Variants in OR6Y1 observed in about 807,000 individuals in gnomAD.
The protein encoded by OR6Y1 is olfactory receptor family 6 subfamily Y member 1.
A neutral mutation model predicts 0.4 loss-of-function variants in OR6Y1; 1 was observed. That is an observed-to-expected ratio of 2.74 (90% confidence interval 0.97 to 13.02). The LOEUF is 13.02. OR6Y1 is among the 30% of genes most tolerant of loss of function. OR6Y1 has a pLI of 0.12. For synonymous variants in OR6Y1, 173 were observed against 141.1 expected, an observed-to-expected ratio of 1.23 and a Z score of -1.60; for missense variants, 480 against 399.8, an observed-to-expected ratio of 1.20 and a Z score of -1.71.
At position 158,547,035 on chromosome 1, in the gene OR6Y1, C is replaced by T; in HGVS notation, c.*93G>A. ...CACAGAGGAGAGCAGTGTTACAGTA[C>T]TGGAGATTGGGGGATAACCAAAGAC... On this transcript the variant is annotated 3_prime_UTR_variant, in exon 2 of 2. Coordinates refer to ENST00000641622, the MANE Select transcript of OR6Y1 (RefSeq NM_001005189.2). 1 of 1,227,504 alleles carries T rather than the reference C, an allele frequency of 8.1e-7. No individual in the cohort carries two copies. The highest frequency in any genetic ancestry group is 2.3e-5 in the East Asian group (1 of 43,004). 76.0% of individuals were successfully genotyped at this position (1,227,504 alleles called of 1,614,324 possible). A position where few individuals can be genotyped will look rare whatever the true frequency, so the allele number is the denominator to read the frequency against.
In OR6Y1 at chr1:158,547,897, T is replaced by G; in HGVS notation, c.209A>C (p.His70Pro). 1 of 1,613,006 alleles carries G rather than the reference T, an allele frequency of 6.2e-7. No homozygotes were observed. The highest frequency in any genetic ancestry group is 8.5e-7 in the Non-Finnish European group (1 of 1,179,904). The change falls in exon 2 of 2, where the codon CAC becomes CCC. Residue 70 changes from histidine to proline, a missense_variant. Physicochemically the swap from His to Pro is moderately conservative, Grantham distance 77 (BLOSUM62 -2). Coordinates refer to ENST00000641622, the MANE Select transcript of OR6Y1 (RefSeq NM_001005189.2). ...ATACCACATCTCCAGGAAGGAGAGGTGGCTCAAGAAGAAGTACATGGGCTT... is the reference window on the plus strand; with the variant it reads ...ATACCACATCTCCAGGAAGGAGAGGGGGCTCAAGAAGAAGTACATGGGCTT... Reference protein sequence around the residue: ...LHKPMYFFLSHLSFLEMWYVT... With the variant: ...LHKPMYFFLSPLSFLEMWYVT...
intron 1 of OR6Y1, among the ~76,000 whole-genome samples, chr1:158,552,240 G>GTA (rs143313955): frequency 0.046 from 6,416 of 139,172 alleles, 166 homozygotes; most frequent in African/African-American, 0.069. Flanking sequence ...ATATATATAT[G>GTA]TATATATATA....
In OR6Y1 at chr1:158,550,393, C is replaced by T. The variant is rs189545638; in HGVS notation, c.-1432-856G>A. ...CCAGCAGAGTCCAGATGAAGCTCCACAAAGTAAAAATACAAGGAAATAAAA... is the reference window on the plus strand; with the variant it reads ...CCAGCAGAGTCCAGATGAAGCTCCATAAAGTAAAAATACAAGGAAATAAAA... On this transcript the variant is annotated intron_variant, in intron 1 of 1. Transcript: ENST00000641622. 2.0e-4 allele frequency among the ~76,000 whole-genome samples: 30 copies of T among 151,088 alleles called. 1 individual carries two copies. The highest frequency in any genetic ancestry group is 6.6e-4 in the African/African-American group (27 of 40,796).
Position 158,548,145 on chromosome 1 carries a change from A to G in OR6Y1, c.-40T>C. On this transcript the variant is annotated 5_prime_UTR_variant, in exon 2 of 2. Coordinates refer to ENST00000641622, the MANE Select transcript of OR6Y1 (RefSeq NM_001005189.2). ...ACAGACAAAGTCAGTTCCTTCCATGACACAAGCACTAGTCTATGGTTATTT... is the reference window on the plus strand; with the variant it reads ...ACAGACAAAGTCAGTTCCTTCCATGGCACAAGCACTAGTCTATGGTTATTT... 2 of 1,581,418 alleles carry G rather than the reference A, an allele frequency of 1.3e-6. No individual in the cohort carries two copies. Among genetic ancestry groups the G allele is most frequent in the South Asian group, 2.3e-5 (2 of 85,562 alleles).
In OR6Y1 at chr1:158,547,778, C is replaced by CA. The variant is rs750990722; in HGVS notation, c.327dup (p.Val110CysfsTer7). 9 of 1,613,252 alleles carry CA rather than the reference C, an allele frequency of 5.6e-6. No individual in the cohort carries two copies. In the South Asian group the frequency reaches 9.9e-5, roughly 18 times the overall value. On this transcript the variant is annotated frameshift_variant, in exon 2 of 2. Transcript: ENST00000641622. LOFTEE classifies it high-confidence loss of function. ...ATGTACTCAGTGCAGACAAAGGTCACAAAAAAGTAAAGTTGAGTCATGCAG... is the reference window on the plus strand; with the variant it reads ...ATGTACTCAGTGCAGACAAAGGTCACAAAAAAAGTAAAGTTGAGTCATGCAG...
Position 158,547,437 on chromosome 1 carries a change from G to T in OR6Y1, c.669C>A (p.Tyr223Ter), listed in dbSNP as rs537972026. ...TGAGGATGGTGGCAAGGATAGCAGC[G>T]TAGGATGCCACCACAACACAAAGAG... The part of the protein sequence containing the change: ...AIPLCVVVAS[Y>*]AAILATILRI... The change falls in exon 2 of 2, where the codon TAC (tyrosine) becomes TAA (stop). Residue 223 changes from tyrosine to a stop codon, truncating the protein, a stop_gained. Coordinates refer to ENST00000641622, the MANE Select transcript of OR6Y1 (RefSeq NM_001005189.2). LOFTEE classifies it high-confidence loss of function. 1 of 1,613,426 alleles carries T rather than the reference G, an allele frequency of 6.2e-7. No individual in the cohort carries two copies. Among genetic ancestry groups the T allele is most frequent in the Non-Finnish European group, 8.5e-7 (1 of 1,179,926 alleles).
intron 1 of OR6Y1, 70 bp downstream of exon 1, chr1:158,554,196 T>C (rs560991840): frequency 2.4e-4 from 37 of 152,350 alleles, no homozygotes; most frequent in African/African-American, 8.2e-4. Context: ...CTTTCCTTCA[T>C]AAAAATAAAT....
chr1:158,547,282 G>A lies in OR6Y1; in HGVS notation c.824C>T (p.Ser275Phe). 6.2e-7 allele frequency: 1 copy of A among 1,613,624 alleles called. No homozygotes were observed. The highest frequency in any genetic ancestry group is 8.5e-7 in the Non-Finnish European group (1 of 1,179,962). The change falls in exon 2 of 2, where the codon TCC becomes TTC. Residue 275 changes from serine (S) to phenylalanine (F), a missense_variant. By Grantham distance (155) the Ser-to-Phe change is radical (BLOSUM62 -2). Transcript: ENST00000641622. ...ARPKLMYAYN[S>F]NKVVSVLYTV... The stretch of plus-strand genomic sequence containing the variant: ...GTAGAGAACAGATACCACTTTGTTG[G>A]AATTGTAGGCATACATGAGTTTGGG...
intron 1 of OR6Y1, among the ~76,000 whole-genome samples, chr1:158,550,002 C>T (rs2101709122): frequency 6.6e-6 from 1 of 151,840 alleles, no homozygotes; most frequent in South Asian, 2.1e-4. Context: ...GAGGCACTTT[C>T]TTGGTCCATA....
chr1:158,546,975 G>T lies in OR6Y1; in HGVS notation c.*153C>A. 1.5e-6 allele frequency: 1 copy of T among 673,390 alleles called. No homozygotes were observed. Among genetic ancestry groups the T allele is most frequent in the Non-Finnish European group, 2.4e-6 (1 of 415,622 alleles). 41.7% of individuals were successfully genotyped at this position (673,390 alleles called of 1,614,324 possible). A position where few individuals can be genotyped will look rare whatever the true frequency, so the allele number is the denominator to read the frequency against. ...CTTGAGAACATGTTTCTCCAGTCATGATTGTGTATACACACACACACACAT... is the reference window on the plus strand; with the variant it reads ...CTTGAGAACATGTTTCTCCAGTCATTATTGTGTATACACACACACACACAT... On this transcript the variant is annotated 3_prime_UTR_variant, in exon 2 of 2. Transcript: ENST00000641622.
chr1:158,545,974 T>C lies in OR6Y1; in HGVS notation c.*1154A>G, dbSNP rs935370235. ...GGGAGGGCCATACTCTCTCTCTCTCTTTCAGCTCTAGGCTAACATCCTTCC... is the reference window on the plus strand; with the variant it reads ...GGGAGGGCCATACTCTCTCTCTCTCCTTCAGCTCTAGGCTAACATCCTTCC... On this transcript the variant is annotated 3_prime_UTR_variant, in exon 2 of 2. Transcript: ENST00000641622. 1.3e-5 allele frequency: 2 copies of C among 152,224 alleles called. No individual in the cohort carries two copies. Among genetic ancestry groups the C allele is most frequent in the Admixed American group, 1.3e-4 (2 of 15,274 alleles). 9.4% of individuals were successfully genotyped at this position (152,224 alleles called of 1,614,324 possible). A position where few individuals can be genotyped will look rare whatever the true frequency, so the allele number is the denominator to read the frequency against.
Position 158,547,498 on chromosome 1 carries a change from A to C in OR6Y1, c.608T>G (p.Val203Gly), listed in dbSNP as rs745938091. 7 of 1,613,588 alleles carry C rather than the reference A, an allele frequency of 4.3e-6. No individual in the cohort carries two copies. Among genetic ancestry groups the C allele is most frequent in the Middle Eastern group, 1.7e-4 (1 of 6,060 alleles). Residue 203 changes from valine to glycine, a missense_variant, in exon 2 of 2, where the codon GTG becomes GGG. Physicochemically the swap from Val to Gly is moderately radical, Grantham distance 109. Transcript: ENST00000641622. The stretch of plus-strand genomic sequence containing the variant: ...GACCATGAGGGCCAAGAAGAAGTCC[A>C]CCATCTCAGCCTGTGAGGCATCCTC... ...SCEDASQAEM[V>G]DFFLALMVIA...
rs1245533182 is a variant in OR6Y1, at chr1:158,547,764, G to A, written c.342C>T (p.Cys114=). The part of the protein sequence containing the change: ...TQLYFFVTFV[C]TEYILLAIMA... ...TGATAGCAAGAAGGATGTACTCAGT[G>A]CAGACAAAGGTCACAAAAAAGTAAA... The change falls in exon 2 of 2, where the codon TGC becomes TGT. Residue 114 remains cysteine (C), a synonymous_variant. Coordinates refer to ENST00000641622, the MANE Select transcript of OR6Y1 (RefSeq NM_001005189.2). 1 of 1,613,540 alleles carries A rather than the reference G, an allele frequency of 6.2e-7. No homozygotes were observed. The highest frequency in any genetic ancestry group is 1.7e-5 in the Admixed American group (1 of 59,982).
At position 158,546,075 on chromosome 1, in the gene OR6Y1, G is replaced by A. The variant is rs113721106; in HGVS notation, c.*1053C>T. ...ATAGATGCATTACTGCAGAAACATG[G>A]TTGCTCTCTGCCCTGTGTGTGTGCA... On this transcript the variant is annotated 3_prime_UTR_variant, in exon 2 of 2. Transcript: ENST00000641622. 6.6e-6 allele frequency: 1 copy of A among 152,128 alleles called. No individual in the cohort carries two copies. The highest frequency in any genetic ancestry group is 6.5e-5 in the Admixed American group (1 of 15,270). The allele number at this position is 152,128 out of a possible 1,614,324, so 9.4% of individuals were successfully genotyped here.
chr1:158,551,292 C>T (rs915600290), intron 1 of OR6Y1, among the ~76,000 whole-genome samples: 1 of 151,790 alleles, frequency 6.6e-6, no homozygotes, highest in Non-Finnish European at 1.5e-5. Flanking sequence ...GCAGGTTAAA[C>T]CATCTCACTT....
At position 158,548,366 on chromosome 1, in the gene OR6Y1, A is replaced by G. The variant is rs147305335; in HGVS notation, c.-261T>C. On this transcript the variant is annotated 5_prime_UTR_variant, in exon 2 of 2. Transcript: ENST00000641622. ...AAGGTCATACAAAATAGAGTTTATA[A>G]CTTTCTAAATCCCAGTTCTGTGCTT... is the stretch of plus-strand genomic sequence containing the variant. The G allele has an allele frequency of 2.0e-3, 729 of 371,532 alleles. 20 individuals carry two copies. The highest frequency in any genetic ancestry group is 0.013 in the African/African-American group (627 of 47,580). The allele number at this position is 371,532 out of a possible 1,614,324, so 23.0% of individuals were successfully genotyped here.
At chr1:158,552,142 C>T (rs964080069) in intron 1 of OR6Y1, among the ~76,000 whole-genome samples, 1 of 151,076 alleles carries the variant, frequency 6.6e-6, no homozygotes, top group Non-Finnish European at 1.5e-5. Flanking sequence ...CCTCCAATTG[C>T]CCCCCTCATC....
In OR6Y1 at chr1:158,545,330, G is replaced by A. The variant is rs894610173; in HGVS notation, c.*1798C>T. 7.9e-5 allele frequency: 10 copies of A among 126,636 alleles called. 1 individual carries two copies. The highest frequency in any genetic ancestry group is 2.7e-4 in the African/African-American group (9 of 33,692). 7.8% of individuals were successfully genotyped at this position (126,636 alleles called of 1,614,324 possible). On this transcript the variant is annotated 3_prime_UTR_variant, in exon 2 of 2. Transcript: ENST00000641622. ...ACATCACACTCCGGGGAATGTTGTG[G>A]GTGGGGGGAGGGGGGAGGGATAGCA...
intron 1 of OR6Y1, among the ~76,000 whole-genome samples, chr1:158,553,650 T>TG (rs1647759269): frequency 6.6e-6 from 1 of 152,146 alleles, no homozygotes; most frequent in Non-Finnish European, 1.5e-5. Context: ...TCCCTGCTCT[T>TG]ATTTAACATA....
Sources: gnomAD v4.1 joint callset for allele counts (sites outside exome capture counted in the v4.1 genomes callset) on GRCh38, gnomAD v4.1.1 for gene constraint, MANE v1.5 for transcripts, NCBI Gene and HGNC (gene_info 2026-07-23, HGNC 2026-07-21) for gene names.